The following ZFAND6 variants were observed in gnomAD, a reference collection of about 807,000 sequenced individuals.
The protein encoded by ZFAND6 is AN1-type zinc finger protein 6.
Under a neutral mutation model 24.5 loss-of-function variants are expected in ZFAND6, and 12 were observed. The observed-to-expected ratio is 0.49, with a 90% CI of 0.31 to 0.79. The LOEUF is 0.79. Ranked by LOEUF, ZFAND6 falls within the 30% of genes least tolerant of loss-of-function variation. ZFAND6 has a pLI of 0.04. For synonymous variants in ZFAND6, 92 were observed against 81.5 expected, an observed-to-expected ratio of 1.13 and a Z score of -0.69; for missense variants, 207 against 245.9, an observed-to-expected ratio of 0.84 and a Z score of 1.06.
At chr15:80,111,354 T>G in intron 2 of ZFAND6, 1 of 366,640 alleles carries the variant, frequency 2.7e-6, no homozygotes, top group Non-Finnish European at 5.4e-6. Flanking sequence ...ACACCAGAAT[T>G]TGTGGGTTCT....
upstream of ZFAND6, among the ~76,000 whole-genome samples, chr15:80,059,284 C>T (rs574429496): frequency 2.0e-5 from 3 of 152,332 alleles, no homozygotes; most frequent in African/African-American, 7.2e-5. Context: ...CACGCCATTC[C>T]CTGCGAGGTG....
intron 1 of ZFAND6, among the ~76,000 whole-genome samples, chr15:80,070,003 A>G (rs1262239709): frequency 6.6e-6 from 1 of 152,114 alleles, no homozygotes; most frequent in Non-Finnish European, 1.5e-5. Context: ...TGGTCTTTTT[A>G]TCAACTACTA....
At chr15:80,080,293 G>A (rs1260121020) in intron 1 of ZFAND6, among the ~76,000 whole-genome samples, 1 of 152,014 alleles carries the variant, frequency 6.6e-6, no homozygotes, top group Admixed American at 6.6e-5. Flanking sequence ...CACTGCACCC[G>A]GCCTACACAA....
At chr15:80,085,481 G>A (rs1237204450) in intron 1 of ZFAND6, among the ~76,000 whole-genome samples, 1 of 152,066 alleles carries the variant, frequency 6.6e-6, no homozygotes, top group Non-Finnish European at 1.5e-5. Flanking sequence ...CCAAAATCAC[G>A]ACCTTAATCA....
chr15:80,125,200 T>G (rs1354851036), intron 5 of ZFAND6, among the ~76,000 whole-genome samples: 2 of 152,184 alleles, frequency 1.3e-5, no homozygotes, highest in Non-Finnish European at 2.9e-5. Flanking sequence ...GTTGTGGAGC[T>G]TGTTGGACTA....
chr15:80,063,752 T>C (rs1457644693), intron 1 of ZFAND6, among the ~76,000 whole-genome samples: 1 of 152,170 alleles, frequency 6.6e-6, no homozygotes, highest in Non-Finnish European at 1.5e-5. Flanking sequence ...GGTTTCAGCA[T>C]GTTGGCCAGC....
At chr15:80,093,456 G>A (rs1040766610) in intron 1 of ZFAND6, among the ~76,000 whole-genome samples, 3 of 151,856 alleles carry the variant, frequency 2.0e-5, no homozygotes, top group Admixed American at 6.6e-5. Flanking sequence ...GGCTGGGCGC[G>A]GTGGCTCACG....
chr15:80,065,127 C>T (rs1167763847), intron 1 of ZFAND6, among the ~76,000 whole-genome samples: 1 of 151,322 alleles, frequency 6.6e-6, no homozygotes, highest in African/African-American at 2.4e-5. Context: ...GCTTCTCCTA[C>T]CCAGTTAAGT....
chr15:80,113,390 A>G (rs890625751), intron 2 of ZFAND6, among the ~76,000 whole-genome samples: 1 of 152,216 alleles, frequency 6.6e-6, no homozygotes, highest in Non-Finnish European at 1.5e-5. Flanking sequence ...GTACTGGCCA[A>G]TCAAATATGG....
intron 6 of ZFAND6, among the ~76,000 whole-genome samples, chr15:80,136,686 C>A (rs928434185): frequency 1.3e-5 from 2 of 152,094 alleles, no homozygotes; most frequent in African/African-American, 4.8e-5. Flanking sequence ...AATATTGATT[C>A]CTGTGCTCCA....
chr15:80,133,799 C>T (rs1023610416), intron 6 of ZFAND6, among the ~76,000 whole-genome samples: 1 of 152,196 alleles, frequency 6.6e-6, no homozygotes, highest in African/African-American at 2.4e-5. Flanking sequence ...ATCAGAACTG[C>T]CATTACCTAT....
rs1319165943 is a variant in ZFAND6, at chr15:80,059,685, C to G, written c.-305C>G. 6.6e-6 allele frequency: 1 copy of G among 152,548 alleles called. No homozygotes were observed. Among genetic ancestry groups the G allele is most frequent in the East Asian group, 1.9e-4 (1 of 5,182 alleles). 9.4% of individuals were successfully genotyped at this position (152,548 alleles called of 1,614,324 possible). A position where few individuals can be genotyped will look rare whatever the true frequency, so the allele number is the denominator to read the frequency against. ...CCAAACAGAAAAGTTTAATAAACAG[C>G]GGACGGAGGGGCCGGCGGTGGCGGA... On this transcript the variant is annotated 5_prime_UTR_variant, in exon 1 of 7. Transcript: ENST00000261749.
At chr15:80,071,438 C>A (rs531201646) in intron 1 of ZFAND6, among the ~76,000 whole-genome samples, 1 of 152,196 alleles carries the variant, frequency 6.6e-6, no homozygotes, top group South Asian at 2.1e-4. Flanking sequence ...CATTAAATGC[C>A]ATTTAATCAG....
rs1596304563 is a variant in ZFAND6, at chr15:80,120,697, T to C, written c.154+199T>C. 3 of 357,592 alleles carry C rather than the reference T, an allele frequency of 8.4e-6. No homozygotes were observed. In the East Asian group the frequency reaches 1.3e-4, roughly 16 times the overall value. 22.2% of individuals were successfully genotyped at this position (357,592 alleles called of 1,614,324 possible). ...GTATCATCACTCATTGAAAATACTG[T>C]AAATTCATACCATAATCTTATTTCT... On this transcript the variant is annotated intron_variant, in intron 3 of 6. Transcript: ENST00000261749.
rs542003021 is a variant in ZFAND6, at chr15:80,066,544, C to G, written c.-181+6735C>G. Among the ~76,000 whole-genome samples, 3 of 152,144 alleles carry G rather than the reference C, an allele frequency of 2.0e-5. No homozygotes were observed. The South Asian group carries it at 6.2e-4, about 32-fold the overall frequency. ...GCCAGGCTGGTCACAAATTCCTGAC[C>G]TCAGGTGATCCACCCGCCTCAGCCT... On this transcript the variant is annotated intron_variant, in intron 1 of 6. Transcript: ENST00000261749.
intron 1 of ZFAND6, among the ~76,000 whole-genome samples, chr15:80,084,158 G>A (rs115074685): frequency 0.013 from 1,918 of 152,260 alleles, 34 homozygotes; most frequent in African/African-American, 0.044. Flanking sequence ...TCAGGGTTAG[G>A]CATGATTACA....
intron 1 of ZFAND6, among the ~76,000 whole-genome samples, chr15:80,093,681 C>T (rs183831935): frequency 2.0e-5 from 3 of 152,246 alleles, no homozygotes; most frequent in Non-Finnish European, 4.4e-5. Flanking sequence ...GCCGAGATCG[C>T]GCCATTGCAC....
intron 2 of ZFAND6, among the ~76,000 whole-genome samples, chr15:80,117,933 T>C (rs986587975): frequency 6.6e-6 from 1 of 152,060 alleles, no homozygotes; most frequent in Non-Finnish European, 1.5e-5. Flanking sequence ...AATTTTGACC[T>C]CTATAGGGGT....
chr15:80,102,072 A>G (rs2039065690), intron 2 of ZFAND6, among the ~76,000 whole-genome samples: 1 of 152,072 alleles, frequency 6.6e-6, no homozygotes, highest in Non-Finnish European at 1.5e-5. Flanking sequence ...CTGGGATTAT[A>G]AGCATGAGCC....
Sources: gnomAD v4.1 joint callset for allele counts (sites outside exome capture counted in the v4.1 genomes callset) on GRCh38, gnomAD v4.1.1 for gene constraint, MANE v1.5 for transcripts, NCBI Gene and HGNC (gene_info 2026-07-23, HGNC 2026-07-21) for gene names.